Variants in CAMK2D observed in about 807,000 individuals in gnomAD.
CAMK2D encodes calcium/calmodulin dependent protein kinase II delta.
Under a neutral mutation model 84.0 loss-of-function variants are expected in CAMK2D, and 37 were observed. The observed-to-expected ratio is 0.44, with a 90% CI of 0.34 to 0.58. The LOEUF (loss-of-function observed/expected upper bound fraction) is 0.58, where lower values mean the gene tolerates loss of function less well. CAMK2D is among the 20% of genes least tolerant of loss of function. The probability of loss-of-function intolerance (pLI) is 0.02; values close to 1 mark genes in which losing one functional copy is unlikely to be tolerated. For missense variants in CAMK2D, 448 were observed against 652.5 expected, an observed-to-expected ratio of 0.69 and a Z score of 3.41; for synonymous variants, 202 against 212.5, an observed-to-expected ratio of 0.95 and a Z score of 0.43.
intron 10 of CAMK2D, among the ~76,000 whole-genome samples, chr4:113,514,245 T>C (rs2154166882): frequency 6.6e-6 from 1 of 152,182 alleles, no homozygotes; most frequent in African/African-American, 2.4e-5. Context: ...AAACCGCATC[T>C]CTACTAAAAA....
At chr4:113,474,296 A>G (rs889455545) in intron 16 of CAMK2D, among the ~76,000 whole-genome samples, 3 of 152,208 alleles carry the variant, frequency 2.0e-5, no homozygotes, top group African/African-American at 2.4e-5. Flanking sequence ...TTAAGATTAT[A>G]AAGTCTCTTG....
At chr4:113,646,613 A>G (rs955920116) in intron 3 of CAMK2D, among the ~76,000 whole-genome samples, 5 of 152,172 alleles carry the variant, frequency 3.3e-5, no homozygotes, top group Non-Finnish European at 1.5e-5. Flanking sequence ...GCCCAGCAGG[A>G]GGATATCAGG....
chr4:113,615,545 T>G (rs1425244795), intron 3 of CAMK2D, among the ~76,000 whole-genome samples: 1 of 152,048 alleles, frequency 6.6e-6, no homozygotes, highest in Non-Finnish European at 1.5e-5. Flanking sequence ...AAGCCAAATC[T>G]CTCTATGTGG....
chr4:113,656,393 G>A (rs2099200554), intron 3 of CAMK2D, among the ~76,000 whole-genome samples: 1 of 152,122 alleles, frequency 6.6e-6, no homozygotes, highest in South Asian at 2.1e-4. Flanking sequence ...TCTTATCCAA[G>A]AAGATGTAGT....
At chr4:113,697,561 T>G (rs2099406511) in intron 2 of CAMK2D, among the ~76,000 whole-genome samples, 2 of 152,146 alleles carry the variant, frequency 1.3e-5, no homozygotes, top group African/African-American at 2.4e-5. Context: ...TATTTTCTTC[T>G]TTCTGTACTT....
chr4:113,482,129 T>C (rs1397620557), intron 16 of CAMK2D, among the ~76,000 whole-genome samples: 2 of 152,214 alleles, frequency 1.3e-5, no homozygotes, highest in Non-Finnish European at 2.9e-5. Flanking sequence ...TAATGTATTT[T>C]TGAAAGTGTA....
At chr4:113,457,690 A>C (rs2097320849) in intron 18 of CAMK2D, 127 bp from the exon 19 acceptor site, 3 of 694,740 alleles carry the variant, frequency 4.3e-6, no homozygotes, top group Non-Finnish European at 7.3e-6. Flanking sequence ...TTAGTTAATT[A>C]ATCTACTATT....
chr4:113,514,942 A>T, intron 10 of CAMK2D, 127 bp downstream of exon 10: 1 of 902,176 alleles, frequency 1.1e-6, no homozygotes, highest in Non-Finnish European at 1.7e-6. Flanking sequence ...AAACACCTCG[A>T]GTCAAAAATT....
chr4:113,736,284 T>C lies in CAMK2D; in HGVS notation c.160+23036A>G, dbSNP rs546922555. 3.3e-5 allele frequency among the ~76,000 whole-genome samples: 5 copies of C among 152,300 alleles called. No homozygotes were observed. In the South Asian group the frequency reaches 6.2e-4, roughly 19 times the overall value. On this transcript the variant is annotated intron_variant, in intron 2 of 20. Transcript: ENST00000511664. ...TTCTTCAATGCTGGTATATTTTGAA[T>C]ACAGTTTTACTCTATCTAGTGTTAG...
At chr4:113,643,052 C>T (rs1029061448) in intron 3 of CAMK2D, among the ~76,000 whole-genome samples, 2 of 152,120 alleles carry the variant, frequency 1.3e-5, no homozygotes, top group African/African-American at 4.8e-5. Context: ...AGATATGTAA[C>T]AAAAGAAGAG....
chr4:113,599,808 C>T (rs934509305), intron 4 of CAMK2D, among the ~76,000 whole-genome samples: 6 of 152,098 alleles, frequency 3.9e-5, no homozygotes, highest in African/African-American at 1.4e-4. Context: ...AATAAATTTA[C>T]ACTCATTAAG....
At chr4:113,581,513 TAAA>T (rs777730996) in intron 4 of CAMK2D, among the ~76,000 whole-genome samples, 1 of 34,312 alleles carries the variant, frequency 2.9e-5, no homozygotes, top group Admixed American at 3.3e-4. Flanking sequence ...AACTTTCTCA[TAAA>T]AAAAAAAAAA....
intron 2 of CAMK2D, among the ~76,000 whole-genome samples, chr4:113,710,336 T>C (rs1258183407): frequency 6.6e-6 from 1 of 152,080 alleles, no homozygotes; most frequent in Non-Finnish European, 1.5e-5. Context: ...ATGCAAACTG[T>C]TTATTATGAC....
intron 16 of CAMK2D, among the ~76,000 whole-genome samples, chr4:113,489,652 C>A (rs375381381): frequency 2.0e-5 from 3 of 149,660 alleles, no homozygotes; most frequent in African/African-American, 7.4e-5. Flanking sequence ...TTTGGGTATA[C>A]ACCCAGTAAT....
At chr4:113,580,301 A>G (rs575596134) in intron 4 of CAMK2D, among the ~76,000 whole-genome samples, 2 of 152,308 alleles carry the variant, frequency 1.3e-5, no homozygotes, top group South Asian at 4.1e-4. Context: ...GTGTTCTCAA[A>G]TACATAGTTT....
intron 2 of CAMK2D, among the ~76,000 whole-genome samples, chr4:113,663,336 C>T (rs564653199): frequency 2.0e-5 from 3 of 152,084 alleles, no homozygotes; most frequent in East Asian, 1.9e-4. Flanking sequence ...CTGTAATCCC[C>T]GCACTTTGGT....
At position 113,554,485 on chromosome 4, in the gene CAMK2D, A is replaced by G. The variant is rs2098650879; in HGVS notation, c.276-2389T>C. Among the ~76,000 whole-genome samples the G allele has an allele frequency of 3.9e-5, 6 of 152,192 alleles. No homozygotes were observed. The South Asian group carries it at 1.2e-3, about 32-fold the overall frequency. ...TTGAGGGGTGTAGAGTTTCATGTTG[A>G]GTTTTAGATTATGTAGTTAACTGTG... On this transcript the variant is annotated intron_variant, in intron 4 of 20. Transcript: ENST00000511664.
At chr4:113,570,989 T>C (rs141780797) in intron 4 of CAMK2D, among the ~76,000 whole-genome samples, 1 of 152,298 alleles carries the variant, frequency 6.6e-6, no homozygotes, top group East Asian at 1.9e-4. Context: ...ACAAAGGACC[T>C]GAATAGACAT....
intron 16 of CAMK2D, among the ~76,000 whole-genome samples, chr4:113,465,900 A>AT (rs1162825042): frequency 6.6e-6 from 1 of 152,094 alleles, no homozygotes; most frequent in Non-Finnish European, 1.5e-5. Context: ...GCTATTTTCC[A>AT]TTTGTTTGAA....
Sources: gnomAD v4.1 joint callset for allele counts (sites outside exome capture counted in the v4.1 genomes callset) on GRCh38, gnomAD v4.1.1 for gene constraint, MANE v1.5 for transcripts, NCBI Gene and HGNC (gene_info 2026-07-23, HGNC 2026-07-21) for gene names.